The following PRKCH variants were observed in gnomAD, a reference collection of about 807,000 sequenced individuals.
PRKCH encodes the protein protein kinase C eta, also known as protein kinase C eta type.
In PRKCH, 28 loss-of-function variants were observed where a neutral mutation model predicts 82.5. The ratio of observed to expected loss-of-function variants is 0.34; its 90% CI spans 0.25 to 0.47. The LOEUF (loss-of-function observed/expected upper bound fraction) is 0.47. Among genes scored for constraint, PRKCH ranks in the 20% least tolerant of loss-of-function variants. The pLI, the probability that PRKCH is intolerant of heterozygous loss-of-function variation, is 1.00. For synonymous variants in PRKCH, 322 were observed against 327.4 expected, an observed-to-expected ratio of 0.98 and a Z score of 0.18; for missense variants, 705 against 881.8, an observed-to-expected ratio of 0.80 and a Z score of 2.54.
At chr14:61,456,867 C>T (rs113896919) in intron 7 of PRKCH, 38 of 230,552 alleles carry the variant, frequency 1.6e-4, no homozygotes, top group South Asian at 2.2e-4. Context: ...GGAAAGCCAC[C>T]GCAGAAGGCA....
chr14:61,210,106 A>G (rs752012151), intron 1 of PRKCH, among the ~76,000 whole-genome samples: 1 of 122,960 alleles, frequency 8.1e-6, no homozygotes, highest in Non-Finnish European at 1.7e-5. Context: ...ACAAACAAAC[A>G]AACAAATATA....
chr14:61,463,028 C>T (rs1318417526), intron 9 of PRKCH: 1 of 152,256 alleles, frequency 6.6e-6, no homozygotes, highest in Non-Finnish European at 1.5e-5. Context: ...CTTGGCTCCC[C>T]TCCAACCTGA....
chr14:61,432,464 A>G (rs958613166), intron 2 of PRKCH, among the ~76,000 whole-genome samples: 6 of 152,238 alleles, frequency 3.9e-5, no homozygotes, highest in Non-Finnish European at 7.4e-5. Context: ...TTTCTGAAAT[A>G]TCTTTATTTT....
intron 10 of PRKCH, among the ~76,000 whole-genome samples, chr14:61,507,830 A>G (rs1188259393): frequency 1.3e-5 from 2 of 152,118 alleles, no homozygotes; most frequent in Non-Finnish European, 2.9e-5. Flanking sequence ...ATGCAGGATA[A>G]ACAAGCTCTG....
intron 2 of PRKCH, among the ~76,000 whole-genome samples, chr14:61,423,760 G>A (rs557759443): frequency 1.3e-5 from 2 of 152,306 alleles, no homozygotes; most frequent in Admixed American, 1.3e-4. Context: ...AGTTGGGGAT[G>A]TGTGGCACAT....
chr14:61,207,106 C>CAAAAAAAAAAAAAAA (rs71114196), intron 1 of PRKCH, among the ~76,000 whole-genome samples: 3 of 49,160 alleles, frequency 6.1e-5, no homozygotes, highest in East Asian at 8.6e-4. Context: ...AACTCCATCT[C>CAAAAAAAAAAAAAAA]AAAAAAAAAA....
chr14:61,195,751 T>G (rs1311439514), intron 1 of PRKCH, among the ~76,000 whole-genome samples: 1 of 152,184 alleles, frequency 6.6e-6, no homozygotes, highest in African/African-American at 2.4e-5. Flanking sequence ...GATGGCCACC[T>G]TCTTACTATG....
intron 2 of PRKCH, among the ~76,000 whole-genome samples, chr14:61,434,430 T>G (rs941234172): frequency 6.6e-6 from 1 of 151,934 alleles, no homozygotes; most frequent in Non-Finnish European, 1.5e-5. Flanking sequence ...ATGAAGAATG[T>G]CTGACCTACT....
chr14:61,482,589 T>A (rs1283616262), intron 9 of PRKCH, among the ~76,000 whole-genome samples: 1 of 152,210 alleles, frequency 6.6e-6, no homozygotes, highest in Admixed American at 6.5e-5. Context: ...GTCTCCTGCC[T>A]GCTTCAAGAG....
chr14:61,540,885 T>C (rs1432748671), intron 12 of PRKCH, among the ~76,000 whole-genome samples: 1 of 152,170 alleles, frequency 6.6e-6, no homozygotes, highest in Non-Finnish European at 1.5e-5. Context: ...GCAGCACCAT[T>C]CGGTATAAGA....
At chr14:61,226,905 C>A (rs1566786968) in intron 1 of PRKCH, among the ~76,000 whole-genome samples, 1 of 152,144 alleles carries the variant, frequency 6.6e-6, no homozygotes, top group Non-Finnish European at 1.5e-5. Flanking sequence ...CTTCCCTTCC[C>A]ACTACCAAAT....
intron 2 of PRKCH, among the ~76,000 whole-genome samples, chr14:61,403,025 G>C (rs1391668736): frequency 1.3e-5 from 2 of 151,756 alleles, no homozygotes; most frequent in Non-Finnish European, 2.9e-5. Flanking sequence ...TATCCCTCCC[G>C]CCTCCCCACT....
chr14:61,530,567 A>T lies in PRKCH; in HGVS notation c.1733A>T (p.His578Leu). 6.2e-7 allele frequency: 1 copy of T among 1,604,878 alleles called. No homozygotes were observed. The change falls in exon 12 of 14, where the codon CAT (histidine) becomes CTT (leucine). Residue 578 changes from histidine to leucine, a missense_variant. Physicochemically the swap from His to Leu is moderately conservative, Grantham distance 99. This residue lies in a region of PRKCH where 115 missense variants were observed against 193.8 expected (regional missense o/e 0.59). Transcript: ENST00000332981. ...NDEVVYPTWL[H>L]EDATGILKSF... ...GAGGTGGTCTACCCTACCTGGCTCC[A>T]TGAAGATGCCACAGGGATCCTAAAA...
intron 1 of PRKCH, among the ~76,000 whole-genome samples, chr14:61,355,867 T>TTG (rs1414344265): frequency 5.3e-5 from 8 of 152,194 alleles, no homozygotes; most frequent in Non-Finnish European, 1.2e-4. Context: ...TTTAGAAGTG[T>TTG]CACTTGCAAG....
chr14:61,459,811 T>C (rs1884948819), intron 9 of PRKCH, among the ~76,000 whole-genome samples: 1 of 152,166 alleles, frequency 6.6e-6, no homozygotes, highest in Admixed American at 6.5e-5. Flanking sequence ...ACACAAATAA[T>C]AGTATACTTT....
At chr14:61,342,135 C>G (rs903882688) in intron 1 of PRKCH, among the ~76,000 whole-genome samples, 1 of 152,028 alleles carries the variant, frequency 6.6e-6, no homozygotes, top group East Asian at 1.9e-4. Context: ...AGGGCAGAGC[C>G]TTTCCTACGT....
intron 1 of PRKCH, among the ~76,000 whole-genome samples, chr14:61,340,481 A>G (rs1371794007): frequency 6.6e-6 from 1 of 152,134 alleles, no homozygotes; most frequent in Non-Finnish European, 1.5e-5. Context: ...AATATTGCCC[A>G]TATGCCAAGG....
intron 10 of PRKCH, chr14:61,528,137 A>AT (rs2042992428): frequency 1.0e-5 from 1 of 96,528 alleles, no homozygotes; most frequent in Non-Finnish European, 2.2e-5. Context: ...TATGAAATAT[A>AT]TATCTATTTG....
At chr14:61,376,332 G>A (rs566029668) in intron 1 of PRKCH, among the ~76,000 whole-genome samples, 2 of 152,244 alleles carry the variant, frequency 1.3e-5, no homozygotes, top group South Asian at 2.1e-4. Context: ...TGTTCCTTGA[G>A]GGTCAGTCAG....
Sources: allele counts gnomAD v4.1 joint callset (sites outside exome capture counted in the v4.1 genomes callset), GRCh38; gene constraint gnomAD v4.1.1; regional missense constraint gnomAD v4.1.1; transcripts MANE v1.5; gene names NCBI Gene and HGNC (gene_info 2026-07-23, HGNC 2026-07-21).